FILIP1: variants seen among roughly 807,000 people sequenced by gnomAD.
FILIP1 encodes the protein filamin A interacting protein 1, also known as filamin-A-interacting protein 1.
FILIP1 carries 61 observed loss-of-function variants against 102.1 expected under a neutral mutation model. The observed-to-expected ratio is 0.60, with a 90% CI of 0.49 to 0.74. The LOEUF (loss-of-function observed/expected upper bound fraction) is 0.74. Ranked by LOEUF, FILIP1 falls within the 30% of genes least tolerant of loss-of-function variation. The pLI is 0.00. For missense variants in FILIP1, 1,314 were observed against 1,441.2 expected, an observed-to-expected ratio of 0.91 and a Z score of 1.43; for synonymous variants, 491 against 526.9, an observed-to-expected ratio of 0.93 and a Z score of 0.93.
At chr6:75,363,144 C>A in intron 2 of FILIP1, 2 of 407,256 alleles carry the variant, frequency 4.9e-6, no homozygotes, top group South Asian at 4.2e-5. Context: ...AGGATTTGTG[C>A]TAATATTAAC....
intron 4 of FILIP1, among the ~76,000 whole-genome samples, chr6:75,332,847 C>G (rs1355626894): frequency 6.6e-6 from 1 of 152,136 alleles, no homozygotes; most frequent in Non-Finnish European, 1.5e-5. Flanking sequence ...TTTTCTGAGA[C>G]TAGTCAAAGA....
intron 1 of FILIP1, among the ~76,000 whole-genome samples, chr6:75,472,638 A>G (rs1325175946): frequency 1.1e-4 from 16 of 152,188 alleles, no homozygotes; most frequent in Non-Finnish European, 5.9e-5. Context: ...AGGAAAATTA[A>G]CTTGTCTAAA....
chr6:75,394,742 C>T (rs1229179177), intron 2 of FILIP1, among the ~76,000 whole-genome samples: 2 of 152,112 alleles, frequency 1.3e-5, no homozygotes, highest in African/African-American at 4.8e-5. Context: ...CCCATTTCAC[C>T]TATCAGATTG....
At chr6:75,420,897 C>T (rs541542525) in intron 1 of FILIP1, among the ~76,000 whole-genome samples, 1 of 152,248 alleles carries the variant, frequency 6.6e-6, no homozygotes, top group Non-Finnish European at 1.5e-5. Flanking sequence ...AATTGATAGA[C>T]ACCATTTGAC....
intron 1 of FILIP1, among the ~76,000 whole-genome samples, chr6:75,431,429 A>T (rs748250956): frequency 6.6e-5 from 10 of 152,110 alleles, no homozygotes; most frequent in African/African-American, 2.4e-5. Flanking sequence ...GTATTTTCCA[A>T]ATTTGAACCA....
intron 2 of FILIP1, 92 bp downstream of exon 2, chr6:75,414,605 T>C (rs1456167580): frequency 8.3e-7 from 1 of 1,209,332 alleles, no homozygotes; most frequent in Non-Finnish European, 1.2e-6. Context: ...CCCATAAAGT[T>C]CATTACTCAG....
intron 1 of FILIP1, among the ~76,000 whole-genome samples, chr6:75,475,262 A>G (rs1358202249): frequency 6.6e-6 from 1 of 152,238 alleles, no homozygotes; most frequent in Non-Finnish European, 1.5e-5. Flanking sequence ...TGGTCAGTGA[A>G]GTAGTTCCAG....
chr6:75,384,514 TGGTGAATCTCATACGA>T (rs1238969548), intron 2 of FILIP1, among the ~76,000 whole-genome samples: 1 of 152,196 alleles, frequency 6.6e-6, no homozygotes, highest in Non-Finnish European at 1.5e-5. Flanking sequence ...CTAGTTGCTG[TGGTGAATCTCATACGA>T]GTAGGACATA....
intron 4 of FILIP1, among the ~76,000 whole-genome samples, chr6:75,321,532 C>T (rs1203102865): frequency 6.6e-6 from 1 of 152,172 alleles, no homozygotes; most frequent in Non-Finnish European, 1.5e-5. Flanking sequence ...CGGTGGCTCA[C>T]GCCTGTAATC....
chr6:75,354,721 CT>C (rs1435933739), intron 3 of FILIP1, among the ~76,000 whole-genome samples: 2 of 152,086 alleles, frequency 1.3e-5, no homozygotes, highest in African/African-American at 4.8e-5. Flanking sequence ...AGGAAAACAA[CT>C]CTTTCACGGT....
intron 2 of FILIP1, among the ~76,000 whole-genome samples, chr6:75,399,817 CAT>C (rs1279224632): frequency 4.6e-5 from 7 of 152,188 alleles, no homozygotes; most frequent in South Asian, 4.1e-4. Context: ...TTTGTCATTT[CAT>C]ATGTTATTTG....
rs377193592 is a variant in FILIP1, at chr6:75,415,007, A to G, written c.-6-29T>C. On this transcript the variant is annotated intron_variant, in intron 1 of 5. Coordinates refer to ENST00000237172, the MANE Select transcript of FILIP1 (RefSeq NM_015687.5). Reference sequence around the variant, plus strand: ...CAACACATACATAAAAAAAGATAAGATGTTCTTTACCACCATCAAAATTAT... The same window carrying G: ...CAACACATACATAAAAAAAGATAAGGTGTTCTTTACCACCATCAAAATTAT... 59 of 1,588,106 alleles carry G rather than the reference A, an allele frequency of 3.7e-5. 1 individual carries two copies. The highest frequency in any genetic ancestry group is 1.3e-4 in the South Asian group (11 of 86,742).
intron 4 of FILIP1, chr6:75,319,852 A>T (rs1012560159): frequency 6.8e-6 from 3 of 442,050 alleles, no homozygotes; most frequent in African/African-American, 2.1e-5. Context: ...AGAAAAGAAA[A>T]GAAAACTCTG....
chr6:75,351,030 T>A (rs1774780559), intron 4 of FILIP1, among the ~76,000 whole-genome samples: 1 of 152,180 alleles, frequency 6.6e-6, no homozygotes, highest in Non-Finnish European at 1.5e-5. Context: ...GATGGTGGTG[T>A]GCCTGAGGCA....
chr6:75,364,738 T>C (rs73453794), intron 2 of FILIP1, among the ~76,000 whole-genome samples: 2,784 of 152,302 alleles, frequency 0.018, 74 homozygotes, highest in East Asian at 0.11. Flanking sequence ...TTGAGAGTAC[T>C]GTGCCACACT....
At chr6:75,469,242 T>C (rs941385297) in intron 1 of FILIP1, among the ~76,000 whole-genome samples, 5 of 152,036 alleles carry the variant, frequency 3.3e-5, no homozygotes, top group Non-Finnish European at 5.9e-5. Flanking sequence ...AATTAAAGCA[T>C]ACAAAAATTT....
intron 4 of FILIP1, among the ~76,000 whole-genome samples, chr6:75,320,323 G>A (rs964344511): frequency 1.3e-5 from 2 of 152,208 alleles, no homozygotes; most frequent in Middle Eastern, 3.2e-3. Context: ...TTGGGAGGCC[G>A]AGGCAGGCAA....
At chr6:75,315,787 C>A (rs1368451704) in intron 4 of FILIP1, among the ~76,000 whole-genome samples, 3 of 152,200 alleles carry the variant, frequency 2.0e-5, no homozygotes, top group African/African-American at 7.2e-5. Flanking sequence ...AAAATTATTG[C>A]TCTCCACCTC....
intron 5 of FILIP1, among the ~76,000 whole-genome samples, chr6:75,310,122 C>T (rs1054285975): frequency 7.9e-5 from 12 of 152,228 alleles, no homozygotes; most frequent in Non-Finnish European, 1.3e-4. Context: ...CTGTTAGCAG[C>T]ACAATGGGAC....
Sources: gnomAD v4.1 joint callset for allele counts (sites outside exome capture counted in the v4.1 genomes callset) on GRCh38, gnomAD v4.1.1 for gene constraint, MANE v1.5 for transcripts, NCBI Gene and HGNC (gene_info 2026-07-23, HGNC 2026-07-21) for gene names.